Variants in PTPN20 observed in about 807,000 individuals in gnomAD.
The protein encoded by PTPN20 is tyrosine-protein phosphatase non-receptor type 20.
In PTPN20, 9 loss-of-function variants were observed where a neutral mutation model predicts 35.0. The ratio of observed to expected loss-of-function variants is 0.26; its 90% CI spans 0.15 to 0.45. The LOEUF (loss-of-function observed/expected upper bound fraction) is 0.45. Ranked by LOEUF, PTPN20 falls within the 20% of genes least tolerant of loss-of-function variation. PTPN20 has a pLI of 1.00. For missense variants in PTPN20, 111 were observed against 312.5 expected (o/e 0.36, Z 4.86); for synonymous variants, 32 against 100.2 (o/e 0.32, Z 4.06).
intron 7 of PTPN20, among the ~76,000 whole-genome samples, chr10:46,980,082 G>A (rs2136395429): frequency 6.7e-6 from 1 of 148,370 alleles, no homozygotes; most frequent in East Asian, 2.2e-4. Context: ...AAAATTCAGT[G>A]GCCTTCTACT....
intron 5 of PTPN20, among the ~76,000 whole-genome samples, chr10:46,949,156 C>A (rs2045908438): frequency 6.6e-6 from 1 of 152,096 alleles, no homozygotes; most frequent in Non-Finnish European, 1.5e-5. Flanking sequence ...CATTTTCGAC[C>A]ATGACAGTGG....
intron 9 of PTPN20, among the ~76,000 whole-genome samples, chr10:46,999,546 A>G (rs2059738067): frequency 6.6e-6 from 1 of 152,178 alleles, no homozygotes; most frequent in Non-Finnish European, 1.5e-5. Flanking sequence ...GTTGACAGGG[A>G]TCTTCATATA....
intron 1 of PTPN20, among the ~76,000 whole-genome samples, chr10:46,925,845 A>G (rs1271256107): frequency 3.3e-5 from 5 of 151,768 alleles, no homozygotes; most frequent in Non-Finnish European, 5.9e-5. Flanking sequence ...CCTTTTCTAA[A>G]TCTTTTATTT....
chr10:46,933,474 T>C (rs1286971680), intron 2 of PTPN20, among the ~76,000 whole-genome samples: 1 of 149,110 alleles, frequency 6.7e-6, no homozygotes, highest in Non-Finnish European at 1.5e-5. Context: ...TCCTCCTTCC[T>C]CTATACCCTG....
intron 2 of PTPN20, among the ~76,000 whole-genome samples, chr10:46,935,032 C>G (rs1421107131): frequency 6.6e-6 from 1 of 151,274 alleles, no homozygotes; most frequent in Non-Finnish European, 1.5e-5. Flanking sequence ...TATCCTTTAA[C>G]AGTTGCAAAC....
chr10:47,001,850 C>G lies in PTPN20; in HGVS notation c.*1109C>G, dbSNP rs1045908854. ...GTAATTTTATTATAGGACTTTGCCT[C>G]GTACAATTAATAGTGATATTTTGGA... is the stretch of plus-strand genomic sequence containing the variant. On this transcript the variant is annotated 3_prime_UTR_variant, in exon 11 of 11. Coordinates refer to ENST00000374339, the MANE Select transcript of PTPN20 (RefSeq NM_001042357.5). 1 of 151,990 alleles carries G rather than the reference C, an allele frequency of 6.6e-6. No individual in the cohort carries two copies. Among genetic ancestry groups the G allele is most frequent in the African/African-American group, 2.4e-5 (1 of 41,402 alleles). The allele number at this position is 151,990 out of a possible 1,614,324, so 9.4% of individuals were successfully genotyped here.
At chr10:46,992,124 T>C (rs2137327299) in intron 9 of PTPN20, among the ~76,000 whole-genome samples, 1 of 149,592 alleles carries the variant, frequency 6.7e-6, no homozygotes, top group Non-Finnish European at 1.5e-5. Context: ...ATTTTCAATT[T>C]TTTTTTTTTT....
At chr10:46,938,228 C>T (rs1176666730) in intron 2 of PTPN20, among the ~76,000 whole-genome samples, 5 of 143,528 alleles carry the variant, frequency 3.5e-5, no homozygotes, top group Admixed American at 1.4e-4. Flanking sequence ...GGATTACAGG[C>T]GTGAGCCACC....
chr10:46,923,470 ATTCT>A (rs1310608601), intron 1 of PTPN20, among the ~76,000 whole-genome samples: 36 of 144,296 alleles, frequency 2.5e-4, no homozygotes, highest in African/African-American at 6.1e-4. Flanking sequence ...GAAAAAGAAT[ATTCT>A]TTCTTCACTG....
At chr10:47,000,179 C>T (rs2059858315) in intron 10 of PTPN20, among the ~76,000 whole-genome samples, 1 of 152,176 alleles carries the variant, frequency 6.6e-6, no homozygotes, top group Non-Finnish European at 1.5e-5. Flanking sequence ...TCCATGGGGT[C>T]ACTCAGATAG....
chr10:46,975,852 G>T (rs2053407834), intron 7 of PTPN20, among the ~76,000 whole-genome samples: 1 of 150,672 alleles, frequency 6.6e-6, no homozygotes, highest in African/African-American at 2.4e-5. Flanking sequence ...GTAGAGATGG[G>T]TTTTCTCCAT....
At chr10:46,996,071 C>T (rs1207378484) in intron 9 of PTPN20, among the ~76,000 whole-genome samples, 1 of 152,094 alleles carries the variant, frequency 6.6e-6, no homozygotes, top group African/African-American at 2.4e-5. Flanking sequence ...ATCTAATTCT[C>T]TTTAAGATAA....
chr10:46,974,331 T>TG (rs1266225039), intron 7 of PTPN20, among the ~76,000 whole-genome samples: 4,631 of 8,450 alleles, frequency 0.55, 948 homozygotes, highest in South Asian at 0.64. Context: ...CAGAAGGCCT[T>TG]GGGCCTATTA....
At chr10:46,989,105 T>G (rs1555175460) in intron 9 of PTPN20, among the ~76,000 whole-genome samples, 1 of 125,310 alleles carries the variant, frequency 8.0e-6, no homozygotes, top group Non-Finnish European at 1.7e-5. Context: ...TTAATTTCCT[T>G]TTTTTCCAAT....
intron 9 of PTPN20, among the ~76,000 whole-genome samples, chr10:46,991,817 T>C (rs2058020664): frequency 6.6e-6 from 1 of 152,030 alleles, no homozygotes; most frequent in South Asian, 2.1e-4. Context: ...GGATTTCCTT[T>C]GTAAGTAAGC....
chr10:46,997,667 A>C (rs2059371601), intron 9 of PTPN20, among the ~76,000 whole-genome samples: 1 of 151,934 alleles, frequency 6.6e-6, no homozygotes, highest in Non-Finnish European at 1.5e-5. Flanking sequence ...GCACATATCC[A>C]ACAAAGGCCT....
chr10:46,941,150 GT>G (rs1271330357), intron 3 of PTPN20, among the ~76,000 whole-genome samples: 1 of 151,328 alleles, frequency 6.6e-6, no homozygotes, highest in Admixed American at 6.6e-5. Flanking sequence ...TAGTGCTAGG[GT>G]TAGAGCACAA....
intron 5 of PTPN20, among the ~76,000 whole-genome samples, chr10:46,956,425 TG>T (rs1257379079): frequency 2.6e-5 from 4 of 151,960 alleles, no homozygotes; most frequent in African/African-American, 9.7e-5. Flanking sequence ...AGTTAATTTT[TG>T]TATATGGCGT....
chr10:46,967,177 T>TTTAG (rs2135734477), intron 6 of PTPN20, among the ~76,000 whole-genome samples: 1 of 141,894 alleles, frequency 7.0e-6, no homozygotes, highest in East Asian at 2.2e-4. Context: ...TCTTTCCTTC[T>TTTAG]AAGTACACAC....
Sources: allele counts gnomAD v4.1 joint callset (sites outside exome capture counted in the v4.1 genomes callset), GRCh38; gene constraint gnomAD v4.1.1; transcripts MANE v1.5; gene names NCBI Gene and HGNC (gene_info 2026-07-23, HGNC 2026-07-21).